Variants in EYA4 observed in about 807,000 individuals in gnomAD.
The protein encoded by EYA4 is protein phosphatase EYA4.
A neutral mutation model predicts 87.9 loss-of-function variants in EYA4; 31 were observed. The observed-to-expected ratio is 0.35, with a 90% CI of 0.27 to 0.48. The LOEUF is 0.48. EYA4 is among the 20% of genes least tolerant of loss of function. The probability of loss-of-function intolerance (pLI) is 0.99; values close to 1 mark genes in which losing one functional copy is unlikely to be tolerated. For synonymous variants in EYA4, 263 were observed against 270.6 expected (o/e 0.97, Z 0.28); for missense variants, 678 against 761.4 (o/e 0.89, Z 1.29).
intron 2 of EYA4, among the ~76,000 whole-genome samples, chr6:133,288,288 G>C (rs1778230005): frequency 6.6e-6 from 1 of 152,046 alleles, no homozygotes; most frequent in African/African-American, 2.4e-5. Context: ...GACAACCCCT[G>C]GCCTAAACTT....
chr6:133,472,353 C>T (rs1448497256), intron 11 of EYA4, among the ~76,000 whole-genome samples: 2 of 94,510 alleles, frequency 2.1e-5, no homozygotes, highest in Non-Finnish European at 3.9e-5. Context: ...CGTTATGTAC[C>T]CAGTAGTCAT....
At chr6:133,445,875 C>G (rs972135169) in intron 3 of EYA4, among the ~76,000 whole-genome samples, 2 of 152,206 alleles carry the variant, frequency 1.3e-5, no homozygotes, top group African/African-American at 4.8e-5. Flanking sequence ...CCACCGCGCC[C>G]GGCCTCTAGT....
intron 2 of EYA4, among the ~76,000 whole-genome samples, chr6:133,352,377 G>A (rs1017896117): frequency 6.6e-6 from 1 of 151,896 alleles, no homozygotes; most frequent in Non-Finnish European, 1.5e-5. Flanking sequence ...GTTATGAGGA[G>A]GAGCTTAAAA....
chr6:133,303,578 G>A (rs1779578894), intron 2 of EYA4, among the ~76,000 whole-genome samples: 1 of 152,114 alleles, frequency 6.6e-6, no homozygotes, highest in Non-Finnish European at 1.5e-5. Flanking sequence ...TATTTCTGGG[G>A]TTAGTTGTAG....
chr6:133,374,085 G>GA (rs1311026725), intron 2 of EYA4, among the ~76,000 whole-genome samples: 1 of 152,094 alleles, frequency 6.6e-6, no homozygotes, highest in Non-Finnish European at 1.5e-5. Flanking sequence ...TAGATAAGGA[G>GA]AAAACGTGCT....
At position 133,342,605 on chromosome 6, in the gene EYA4, A is replaced by ATATATTATATATATATATATATC. The variant is rs1485897156; in HGVS notation, c.34-39787_34-39786insTATATTATATATATATATATATC. Among the ~76,000 whole-genome samples, 1,165 of 130,288 alleles carry ATATATTATATATATATATATATC rather than the reference A, an allele frequency of 8.9e-3. 46 individuals are homozygous for ATATATTATATATATATATATATC. Among genetic ancestry groups the ATATATTATATATATATATATATC allele is most frequent in the African/African-American group, 0.036 (1,100 of 30,402 alleles). 85.5% of individuals were successfully genotyped at this position (130,288 alleles called of 152,430 possible). A position where few individuals can be genotyped will look rare whatever the true frequency, so the allele number is the denominator to read the frequency against. On this transcript the variant is annotated intron_variant, in intron 2 of 19. Transcript: ENST00000355286. ...TATATATATATATATATATATATAT[A>ATATATTATATATATATATATATC]ATTCTTTATATTTCTCTGGGCTTAA...
At position 133,450,660 on chromosome 6, in the gene EYA4, C is replaced by T. The variant is rs761233848; in HGVS notation, c.277+2481C>T. On this transcript the variant is annotated intron_variant, in intron 5 of 19. Transcript: ENST00000355286. ...CTGGGACTACAGACACACGCCACCA[C>T]GCCCATCAGGCTAATTTTTGTACTT... Among the ~76,000 whole-genome samples, 76 of 152,282 alleles carry T rather than the reference C, an allele frequency of 5.0e-4. 1 individual carries two copies. Among genetic ancestry groups the T allele is most frequent in the Non-Finnish European group, 7.8e-4 (53 of 68,034 alleles).
rs940231904 is a variant in EYA4 at position 133,330,495 on chromosome 6, TCTC to T, written c.34-51893_34-51891del. 5.5e-4 allele frequency among the ~76,000 whole-genome samples: 84 copies of T among 151,544 alleles called. No homozygotes were observed. In the Middle Eastern group the frequency reaches 0.014, roughly 25 times the overall value. On this transcript the variant is annotated intron_variant, in intron 2 of 19. Transcript: ENST00000355286. ...GATTTTGTAAATCCCATTTAAAAAA[TCTC>T]CTCTACTATTAGAAATGACAAATAT...
chr6:133,391,317 C>A (rs1190254731), intron 3 of EYA4, among the ~76,000 whole-genome samples: 2 of 150,800 alleles, frequency 1.3e-5, no homozygotes, highest in African/African-American at 2.4e-5. Flanking sequence ...ACAACCTCCA[C>A]CTCCCAGGTT....
chr6:133,439,466 A>C (rs1211299839), intron 3 of EYA4: 1 of 152,230 alleles, frequency 6.6e-6, no homozygotes, highest in East Asian at 1.9e-4. Flanking sequence ...GGCAATAAGG[A>C]TATAGCAGTG....
intron 2 of EYA4, among the ~76,000 whole-genome samples, chr6:133,330,568 TACACAC>T (rs57398314): frequency 0.26 from 37,806 of 143,458 alleles, 5,357 homozygotes; most frequent in Middle Eastern, 0.32. Flanking sequence ...TATATATATA[TACACAC>T]ACACACACAC....
intron 3 of EYA4, among the ~76,000 whole-genome samples, chr6:133,424,225 G>A (rs1790452387): frequency 6.6e-6 from 1 of 152,208 alleles, no homozygotes; most frequent in Non-Finnish European, 1.5e-5. Context: ...GACCTCAGAG[G>A]GGAAGAGGGA....
chr6:133,462,989 A>G (rs2128660162), intron 9 of EYA4, among the ~76,000 whole-genome samples: 1 of 152,256 alleles, frequency 6.6e-6, no homozygotes, highest in East Asian at 1.9e-4. Context: ...AAGCTGCGTA[A>G]CATCAGCAGG....
At chr6:133,291,600 T>TTTAATAGGCTTTCTTTATAATA (rs1778493926) in intron 2 of EYA4, among the ~76,000 whole-genome samples, 1 of 152,194 alleles carries the variant, frequency 6.6e-6, no homozygotes, top group Non-Finnish European at 1.5e-5. Flanking sequence ...TTAAAGAAAG[T>TTTAATAGGCTTTCTTTATAATA]AAGGCTGAAG....
At chr6:133,264,511 G>A (rs762403486) in intron 1 of EYA4, among the ~76,000 whole-genome samples, 18 of 152,240 alleles carry the variant, frequency 1.2e-4, no homozygotes, top group Non-Finnish European at 2.6e-4. Flanking sequence ...CAATGATGGC[G>A]GAACGCCTGT....
chr6:133,348,261 GTTTTTTT>G (rs35905853), intron 2 of EYA4, among the ~76,000 whole-genome samples: 1 of 68,782 alleles, frequency 1.5e-5, no homozygotes, highest in Admixed American at 1.9e-4. Context: ...TCTTCAAGTA[GTTTTTTT>G]TTTTTTTTTT....
intron 2 of EYA4, among the ~76,000 whole-genome samples, chr6:133,338,914 G>A (rs1782580067): frequency 6.6e-6 from 1 of 151,514 alleles, no homozygotes; most frequent in African/African-American, 2.4e-5. Context: ...AAACCCTTAA[G>A]AATCAGGTTT....
At chr6:133,355,614 T>C (rs1201237280) in intron 2 of EYA4, among the ~76,000 whole-genome samples, 1 of 152,212 alleles carries the variant, frequency 6.6e-6, no homozygotes, top group Non-Finnish European at 1.5e-5. Flanking sequence ...ACCATACTCT[T>C]AAGCTTACTT....
At chr6:133,336,828 ATATC>A (rs577836393) in intron 2 of EYA4, among the ~76,000 whole-genome samples, 295 of 152,318 alleles carry the variant, frequency 1.9e-3, no homozygotes, top group African/African-American at 5.7e-3. Context: ...TTGGAGGACA[ATATC>A]TAAGTGTTCA....
Sources: gnomAD v4.1 joint callset for allele counts (sites outside exome capture counted in the v4.1 genomes callset) on GRCh38, gnomAD v4.1.1 for gene constraint, MANE v1.5 for transcripts, NCBI Gene and HGNC (gene_info 2026-07-23, HGNC 2026-07-21) for gene names.